HYCC1: variants seen among roughly 807,000 people sequenced by gnomAD.
The protein encoded by HYCC1 is hyccin PI4KA lipid kinase complex subunit 1.
the HYCC1 span, among the ~76,000 whole-genome samples, chr7:22,906,375 C>T: frequency 1.3e-5 from 2 of 151,960 alleles, no homozygotes; most frequent in African/African-American, 2.4e-5. Flanking sequence ...CTCAGGAGTT[C>T]GAGACCAGCC....
the HYCC1 span, among the ~76,000 whole-genome samples, chr7:22,911,585 G>A: frequency 9.0e-4 from 137 of 152,204 alleles, no homozygotes; most frequent in African/African-American, 3.0e-3. Context: ...TGGTGAAACC[G>A]TGTCTCCACT....
the HYCC1 span, among the ~76,000 whole-genome samples, chr7:22,911,724 T>C: frequency 1.3e-5 from 2 of 152,196 alleles, no homozygotes; most frequent in Non-Finnish European, 2.9e-5. Flanking sequence ...CACCACTGCA[T>C]TCCAGCCTGG....
At chr7:22,975,288 A>G in the HYCC1 span, among the ~76,000 whole-genome samples, 1 of 152,216 alleles carries the variant, frequency 6.6e-6, no homozygotes, top group African/African-American at 2.4e-5. Context: ...CACAAAGGAG[A>G]AAATTAAAAT....
the HYCC1 span, among the ~76,000 whole-genome samples, chr7:22,903,249 A>G: frequency 6.6e-6 from 1 of 152,226 alleles, no homozygotes; most frequent in African/African-American, 2.4e-5. Context: ...AAAACATGCA[A>G]GCATACAAAC....
the HYCC1 span, chr7:22,941,877 C>T: frequency 6.6e-6 from 1 of 152,062 alleles, no homozygotes; most frequent in Non-Finnish European, 1.5e-5. Context: ...ACTGGGAGGA[C>T]ACTATTATAC....
the HYCC1 span, among the ~76,000 whole-genome samples, chr7:22,917,775 T>C: frequency 2.0e-5 from 3 of 152,318 alleles, no homozygotes; most frequent in Non-Finnish European, 4.4e-5. Flanking sequence ...CCACCACCCT[T>C]AAGTCTCTCT....
chr7:22,911,981 T>C, the HYCC1 span, among the ~76,000 whole-genome samples: 25 of 152,338 alleles, frequency 1.6e-4, 1 homozygote, highest in African/African-American at 5.8e-4. Context: ...AATATATTCA[T>C]TGGCTACATA....
chr7:22,954,504 T>C, the HYCC1 span, among the ~76,000 whole-genome samples: 2 of 151,350 alleles, frequency 1.3e-5, no homozygotes, highest in Non-Finnish European at 3.0e-5. Context: ...TTGAACTCTG[T>C]TATAATCATT....
At chr7:22,923,225 G>C in the HYCC1 span, among the ~76,000 whole-genome samples, 1 of 151,854 alleles carries the variant, frequency 6.6e-6, no homozygotes, top group Admixed American at 6.6e-5. Context: ...TCCAACCATA[G>C]GAATAAAAAT....
chr7:22,898,604 C>CTT, the HYCC1 span, among the ~76,000 whole-genome samples: 36 of 39,824 alleles, frequency 9.0e-4, no homozygotes, highest in East Asian at 2.7e-3. Flanking sequence ...CTTTTCTTTT[C>CTT]TTTTTTTTTT....
chr7:22,961,856 CAT>C, the HYCC1 span, among the ~76,000 whole-genome samples: 3 of 151,358 alleles, frequency 2.0e-5, no homozygotes, highest in South Asian at 2.1e-4. Flanking sequence ...TGTGTCTGTG[CAT>C]GTGTGTGTGT....
At chr7:22,953,871 T>C in the HYCC1 span, among the ~76,000 whole-genome samples, 1 of 151,728 alleles carries the variant, frequency 6.6e-6, no homozygotes, top group Non-Finnish European at 1.5e-5. Flanking sequence ...ATACTAAAAG[T>C]ATTTACATTT....
At chr7:22,967,614 C>T in the HYCC1 span, among the ~76,000 whole-genome samples, 12 of 152,084 alleles carry the variant, frequency 7.9e-5, no homozygotes, top group Non-Finnish European at 1.8e-4. Flanking sequence ...ATCACTCTGG[C>T]TATATTGGAA....
At chr7:22,976,916 T>G in the HYCC1 span, 1 of 694,242 alleles carries the variant, frequency 1.4e-6, no homozygotes, top group Non-Finnish European at 2.5e-6. Flanking sequence ...ATCATATATC[T>G]TAAACATATT....
chr7:22,978,164 T>A, the HYCC1 span: 3 of 1,001,536 alleles, frequency 3.0e-6, no homozygotes, highest in Non-Finnish European at 4.6e-6. Flanking sequence ...AGTCATTTGG[T>A]GTATGAAAAA....
At chr7:23,012,064 T>C in the HYCC1 span, among the ~76,000 whole-genome samples, 1 of 152,212 alleles carries the variant, frequency 6.6e-6, no homozygotes, top group Non-Finnish European at 1.5e-5. Context: ...ATGACATTCA[T>C]TTCTGTATCC....
At chr7:22,959,653 A>C in the HYCC1 span, among the ~76,000 whole-genome samples, 5 of 152,298 alleles carry the variant, frequency 3.3e-5, no homozygotes, top group African/African-American at 1.2e-4. Flanking sequence ...GGGAAATGGG[A>C]AAGCACTGAA....
chr7:22,898,789 G>C, the HYCC1 span, among the ~76,000 whole-genome samples: 3 of 151,604 alleles, frequency 2.0e-5, no homozygotes, highest in African/African-American at 4.8e-5. Context: ...TTTTAGTAGA[G>C]ATGAGGTTTC....
At chr7:23,006,808 C>T in the HYCC1 span, among the ~76,000 whole-genome samples, 5 of 152,264 alleles carry the variant, frequency 3.3e-5, no homozygotes, top group Admixed American at 6.5e-5. Context: ...AAAACGCACA[C>T]CAAACATATA....
Sources: allele counts gnomAD v4.1 joint callset (sites outside exome capture counted in the v4.1 genomes callset), GRCh38; gene constraint gnomAD v4.1.1; transcripts MANE v1.5; gene names NCBI Gene and HGNC (gene_info 2026-07-23, HGNC 2026-07-21).